Variants in ZNF235 observed in about 807,000 individuals in gnomAD.
The protein encoded by ZNF235 is zfp-93.
A neutral mutation model predicts 29.4 loss-of-function variants in ZNF235; 25 were observed. The ratio of observed to expected loss-of-function variants is 0.85; its 90% CI spans 0.62 to 1.19. The LOEUF (loss-of-function observed/expected upper bound fraction) is 1.19. ZNF235 is among the 50% of genes most tolerant of loss of function. The pLI is 0.00. For synonymous variants in ZNF235, 300 were observed against 295.3 expected (o/e 1.02, Z -0.16); for missense variants, 788 against 885.0 (o/e 0.89, Z 1.39).
rs376855770 is a variant in ZNF235 at position 44,288,970 on chromosome 19, G to A, written c.465C>T (p.Asp155=). 9 of 1,613,760 alleles carry A rather than the reference G, an allele frequency of 5.6e-6. No homozygotes were observed. Among genetic ancestry groups the A allele is most frequent in the Non-Finnish European group, 6.8e-6 (8 of 1,179,832 alleles). The change falls in exon 5 of 5, where the codon GAC becomes GAT. Residue 155 remains aspartate, a synonymous_variant. Coordinates refer to ENST00000291182, the MANE Select transcript of ZNF235 (RefSeq NM_004234.4). The stretch of plus-strand genomic sequence containing the variant: ...CCCCTATGTGATTCACTAGACAGTT[G>A]TCATCCACAGAAGCTTGAATAGATT... The part of the protein sequence containing the change: ...AGESIQASVD[D]NCLVNHIGDH...
chr19:44,300,368 C>A (rs1416561736), intron 2 of ZNF235, among the ~76,000 whole-genome samples: 2 of 152,198 alleles, frequency 1.3e-5, no homozygotes, highest in Non-Finnish European at 1.5e-5. Flanking sequence ...CTCTTATTAT[C>A]ATCACCATCA....
rs1278187346 is a variant in ZNF235, at chr19:44,305,023, T to C, written c.-101A>G. The C allele has an allele frequency of 1.2e-5, 10 of 822,838 alleles. No homozygotes were observed. The highest frequency in any genetic ancestry group is 1.5e-5 in the Non-Finnish European group (10 of 681,570). 51.0% of individuals were successfully genotyped at this position (822,838 alleles called of 1,614,324 possible). A position where few individuals can be genotyped will look rare whatever the true frequency, so the allele number is the denominator to read the frequency against. ...CTCGCCTTCCTGGAGCGGAAGTGCC[T>C]CCGAGTGCCCACGGTTCGTGGACTC... On this transcript the variant is annotated 5_prime_UTR_variant, in exon 1 of 5. Coordinates refer to ENST00000291182, the MANE Select transcript of ZNF235 (RefSeq NM_004234.4).
chr19:44,287,156 G>A lies in ZNF235; in HGVS notation c.*62C>T, dbSNP rs1599885032. 5 of 1,480,738 alleles carry A rather than the reference G, an allele frequency of 3.4e-6. No homozygotes were observed. The South Asian group carries it at 4.3e-5, about 13-fold the overall frequency. The allele number at this position is 1,480,738 out of a possible 1,614,324, so 91.7% of individuals were successfully genotyped here. Reference sequence around the variant, plus strand: ...AGGAACTTTTCACAATCATCAGCATGGACTTCCCAACGGAGACAAAGATGT... The same window carrying A: ...AGGAACTTTTCACAATCATCAGCATAGACTTCCCAACGGAGACAAAGATGT... On this transcript the variant is annotated 3_prime_UTR_variant, in exon 5 of 5. Transcript: ENST00000291182.
intron 4 of ZNF235, 199 bp from the exon 5 acceptor site, chr19:44,289,395 AG>A: frequency 1.8e-6 from 1 of 545,868 alleles, no homozygotes; most frequent in South Asian, 2.8e-5. Context: ...TATTTAAGAT[AG>A]AAAATTTGAG....
chr19:44,293,891 C>T lies in ZNF235; in HGVS notation c.239-4695G>A, dbSNP rs541920469. 3.6e-4 allele frequency among the ~76,000 whole-genome samples: 55 copies of T among 150,960 alleles called. No individual in the cohort carries two copies. In the Middle Eastern group the frequency reaches 0.017, roughly 47 times the overall value. On this transcript the variant is annotated intron_variant, in intron 4 of 4. Coordinates refer to ENST00000291182, the MANE Select transcript of ZNF235 (RefSeq NM_004234.4). ...AAACGAAAATACAATATACCAAAAC[C>T]TCTGGGATAAAGCAAAAGCAGTGCT...
intron 4 of ZNF235, among the ~76,000 whole-genome samples, chr19:44,291,785 G>C (rs1975587808): frequency 6.6e-6 from 1 of 152,052 alleles, no homozygotes; most frequent in African/African-American, 2.4e-5. Context: ...CAAAAGTTCA[G>C]GCTTATAGGG....
At position 44,287,945 on chromosome 19, in the gene ZNF235, C is replaced by T; in HGVS notation, c.1490G>A (p.Ser497Asn). 6.2e-7 allele frequency: 1 copy of T among 1,614,082 alleles called. No homozygotes were observed. The highest frequency in any genetic ancestry group is 2.2e-5 in the East Asian group (1 of 44,884). ...YKCEECGKGF[S>N]SASSFQSHQR... ...ATGGCTCTGGAAACTTGAGGCTGAACTAAAACCCTTACCACACTCTTCACA... is the reference window on the plus strand; with the variant it reads ...ATGGCTCTGGAAACTTGAGGCTGAATTAAAACCCTTACCACACTCTTCACA... The change falls in exon 5 of 5, where the codon AGT becomes AAT. Residue 497 changes from serine to asparagine, a missense_variant. Ser to Asn is a conservative substitution (Grantham distance 46). Transcript: ENST00000291182.
rs768637439 is a variant in ZNF235 at position 44,289,040 on chromosome 19, T to G, written c.395A>C (p.Gln132Pro). 6 of 1,614,044 alleles carry G rather than the reference T, an allele frequency of 3.7e-6. No individual in the cohort carries two copies. The African/African-American group carries it at 6.7e-5, about 18-fold the overall frequency. ...GGGGGAATCATGGTGCTTGGGGAAC[T>G]GAGAGCTCTTTCCTTCAATATTTAT... is the stretch of plus-strand genomic sequence containing the variant. ...SMINIEGKSSQFPKHHDSPCQ... is the reference protein window; with the variant it reads ...SMINIEGKSSPFPKHHDSPCQ... Residue 132 changes from glutamine (Q) to proline (P), a missense_variant, in exon 5 of 5, where the codon CAG becomes CCG. By Grantham distance (76) the Gln-to-Pro change is moderately conservative. Coordinates refer to ENST00000291182, the MANE Select transcript of ZNF235 (RefSeq NM_004234.4).
At chr19:44,303,124 CATATATATTT>C (rs1975778485) in intron 2 of ZNF235, among the ~76,000 whole-genome samples, 1 of 139,134 alleles carries the variant, frequency 7.2e-6, no homozygotes, top group Non-Finnish European at 1.5e-5. Context: ...TAAATATATA[CATATATATTT>C]GTATATAAAT....
chr19:44,291,525 C>T (rs1975584183), intron 4 of ZNF235, among the ~76,000 whole-genome samples: 1 of 151,982 alleles, frequency 6.6e-6, no homozygotes, highest in Admixed American at 6.6e-5. Context: ...CTCTAGCACT[C>T]ATGATAAAAA....
Position 44,287,821 on chromosome 19 carries a change from A to G in ZNF235, c.1614T>C (p.Thr538=). Residue 538 remains threonine, a synonymous_variant, in exon 5 of 5, where the codon ACT becomes ACC. Transcript: ENST00000291182. ...SYFQAHQRVH[T]GEKPYKCEVC... ...CTTCACATTTGTATGGTTTTTCTCC[A>G]GTGTGGACTCTCTGATGTGCTTGAA... The G allele has an allele frequency of 1.9e-6, 3 of 1,613,702 alleles. No individual in the cohort carries two copies. Among genetic ancestry groups the G allele is most frequent in the Non-Finnish European group, 1.7e-6 (2 of 1,179,924 alleles).
In ZNF235 at chr19:44,288,537, T is replaced by G. The variant is rs1327373645; in HGVS notation, c.898A>C (p.Thr300Pro). The G allele has an allele frequency of 6.2e-7, 1 of 1,614,144 alleles. No individual in the cohort carries two copies. Among genetic ancestry groups the G allele is most frequent in the Admixed American group, 1.7e-5 (1 of 60,014 alleles). The change falls in exon 5 of 5, where the codon ACC (threonine) becomes CCC (proline). Residue 300 changes from threonine to proline, a missense_variant. Coordinates refer to ENST00000291182, the MANE Select transcript of ZNF235 (RefSeq NM_004234.4). The stretch of plus-strand genomic sequence containing the variant: ...ACAGGAATACCTGAGCTATAACTGG[T>G]GTCCTTCTCATGTGTACTACACGCT... ...SPACSTHEKD[T>P]SYSSGIPVQQ...
chr19:44,292,028 A>C (rs929745435), intron 4 of ZNF235, among the ~76,000 whole-genome samples: 1 of 152,124 alleles, frequency 6.6e-6, no homozygotes, highest in African/African-American at 2.4e-5. Flanking sequence ...CAAATCTAAC[A>C]ATGTATAAAA....
chr19:44,298,940 G>T, intron 3 of ZNF235, 37 bp from the exon 4 acceptor site: 2 of 1,527,988 alleles, frequency 1.3e-6, no homozygotes, highest in Non-Finnish European at 1.8e-6. Context: ...AATGTTAAAG[G>T]CAAAGAGTAC....
intron 2 of ZNF235, among the ~76,000 whole-genome samples, chr19:44,301,015 T>G (rs527738682): frequency 6.6e-6 from 1 of 152,106 alleles, no homozygotes; most frequent in African/African-American, 2.4e-5. Flanking sequence ...TTTTTTTTTT[T>G]AAATCTTGAG....
intron 4 of ZNF235, among the ~76,000 whole-genome samples, chr19:44,295,286 A>G (rs1975639917): frequency 6.6e-6 from 1 of 152,218 alleles, no homozygotes; most frequent in Non-Finnish European, 1.5e-5. Context: ...TAGCATTTCT[A>G]TACGACAATA....
At chr19:44,296,696 A>G (rs1975658916) in intron 4 of ZNF235, among the ~76,000 whole-genome samples, 1 of 152,228 alleles carries the variant, frequency 6.6e-6, no homozygotes, top group Admixed American at 6.5e-5. Context: ...ACAGCAGAAT[A>G]CACATTTTTC....
Position 44,287,488 on chromosome 19 carries a change from G to C in ZNF235, c.1947C>G (p.His649Gln). The change falls in exon 5 of 5, where the codon CAC becomes CAG. Residue 649 changes from histidine to glutamine, a missense_variant. His to Gln is a conservative substitution (Grantham distance 24). Coordinates refer to ENST00000291182, the MANE Select transcript of ZNF235 (RefSeq NM_004234.4). ...RSNLQVHQIIHTGEKPFKCEE... is the reference protein window; with the variant it reads ...RSNLQVHQIIQTGEKPFKCEE... ...CACATTTAAATGGTTTCTCTCCAGTGTGAATTATCTGATGGACTTGAAGAT... is the reference window on the plus strand; with the variant it reads ...CACATTTAAATGGTTTCTCTCCAGTCTGAATTATCTGATGGACTTGAAGAT... The C allele has an allele frequency of 6.2e-7, 1 of 1,614,120 alleles. No individual in the cohort carries two copies.
intron 4 of ZNF235, among the ~76,000 whole-genome samples, chr19:44,293,207 A>G (rs1432728311): frequency 6.6e-6 from 1 of 152,130 alleles, no homozygotes; most frequent in Non-Finnish European, 1.5e-5. Context: ...TCTTACCGAT[A>G]AAGACACAGA....
Sources: gnomAD v4.1 joint callset for allele counts (sites outside exome capture counted in the v4.1 genomes callset) on GRCh38, gnomAD v4.1.1 for gene constraint, MANE v1.5 for transcripts, NCBI Gene and HGNC (gene_info 2026-07-23, HGNC 2026-07-21) for gene names.